DYM: variants seen among roughly 807,000 people sequenced by gnomAD.
DYM encodes dyggve-Melchior-Clausen syndrome protein.
A neutral mutation model predicts 93.1 loss-of-function variants in DYM; 78 were observed. The ratio of observed to expected loss-of-function variants is 0.84; its 90% CI spans 0.70 to 1.01. The LOEUF (loss-of-function observed/expected upper bound fraction) is 1.01, where lower values mean the gene tolerates loss of function less well. Among genes scored for constraint, DYM ranks in the 50% least tolerant of loss-of-function variants. The pLI, the probability that DYM is intolerant of heterozygous loss-of-function variation, is 0.00. For synonymous variants in DYM, 321 were observed against 319.7 expected, an observed-to-expected ratio of 1.00 and a Z score of -0.04; for missense variants, 789 against 845.0, an observed-to-expected ratio of 0.93 and a Z score of 0.82.
chr18:49,045,111 G>C (rs1305392187), intron 17 of DYM, among the ~76,000 whole-genome samples: 1 of 152,234 alleles, frequency 6.6e-6, no homozygotes, highest in Non-Finnish European at 1.5e-5. Flanking sequence ...TCGCTGGCAG[G>C]AGTGGCTGCA....
intron 14 of DYM, among the ~76,000 whole-genome samples, chr18:49,196,406 A>G (rs1600533266): frequency 6.6e-6 from 1 of 151,050 alleles, no homozygotes; most frequent in East Asian, 2.0e-4. Context: ...TTGAATACCC[A>G]AGTATCATAT....
chr18:49,261,795 T>G (rs1000978784), intron 11 of DYM, among the ~76,000 whole-genome samples: 1 of 152,224 alleles, frequency 6.6e-6, no homozygotes, highest in Non-Finnish European at 1.5e-5. Flanking sequence ...ACTGTTAATA[T>G]TTTTTAATAT....
At chr18:49,108,308 C>A (rs1056700077) in intron 16 of DYM, among the ~76,000 whole-genome samples, 2 of 152,240 alleles carry the variant, frequency 1.3e-5, no homozygotes, top group Non-Finnish European at 2.9e-5. Context: ...GTCTGTCACC[C>A]CTTTCTTTGA....
At chr18:49,401,770 A>G (rs1365592201) in intron 2 of DYM, among the ~76,000 whole-genome samples, 1 of 152,192 alleles carries the variant, frequency 6.6e-6, no homozygotes, top group Non-Finnish European at 1.5e-5. Context: ...TCATGCCTGT[A>G]ATACCAGCAC....
At chr18:49,403,983 A>C (rs2071152717) in intron 2 of DYM, among the ~76,000 whole-genome samples, 1 of 150,112 alleles carries the variant, frequency 6.7e-6, no homozygotes, top group African/African-American at 2.4e-5. Context: ...TATCCAATTT[A>C]CTGTTGTTTT....
chr18:49,294,062 T>C (rs995106715), intron 8 of DYM, among the ~76,000 whole-genome samples: 1 of 152,210 alleles, frequency 6.6e-6, no homozygotes, highest in African/African-American at 2.4e-5. Flanking sequence ...ACACCACTGA[T>C]TAAATAGGGA....
At position 49,416,690 on chromosome 18, in the gene DYM, G is replaced by A. The variant is rs186637734; in HGVS notation, c.140+13565C>T. On this transcript the variant is annotated intron_variant, in intron 2 of 17. Coordinates refer to ENST00000675505, the MANE Select transcript of DYM (RefSeq NM_001353214.3). ...AGCACATCACAGGTATATTGCTGCA[G>A]ATGTCTCAGATTTTGTTTTCCTGCC... Among the ~76,000 whole-genome samples the A allele has an allele frequency of 6.9e-3, 1,043 of 152,220 alleles. 32 individuals are homozygous for A. The South Asian group carries it at 0.076, about 11-fold the overall frequency.
intron 8 of DYM, among the ~76,000 whole-genome samples, chr18:49,315,012 C>CGA (rs2061835424): frequency 6.6e-6 from 1 of 151,998 alleles, no homozygotes; most frequent in Non-Finnish European, 1.5e-5. Flanking sequence ...CTCAGGAGTT[C>CGA]GAGACCAGCC....
chr18:49,302,679 T>G (rs1467502178), intron 8 of DYM, among the ~76,000 whole-genome samples: 1 of 152,164 alleles, frequency 6.6e-6, no homozygotes, highest in African/African-American at 2.4e-5. Context: ...TTAATGATGA[T>G]CCACACAAAT....
chr18:49,364,318 G>A (rs989799122), intron 5 of DYM, among the ~76,000 whole-genome samples: 3 of 152,080 alleles, frequency 2.0e-5, no homozygotes, highest in Admixed American at 6.5e-5. Context: ...GGTGGCGCAC[G>A]CCTGTGGTCC....
intron 15 of DYM, among the ~76,000 whole-genome samples, chr18:49,156,922 C>T (rs1370459505): frequency 6.6e-6 from 1 of 151,768 alleles, no homozygotes; most frequent in Non-Finnish European, 1.5e-5. Flanking sequence ...AAAGTCTTTG[C>T]CTCACCTAAA....
chr18:49,433,448 A>C (rs900000135), intron 1 of DYM, among the ~76,000 whole-genome samples: 1 of 152,228 alleles, frequency 6.6e-6, no homozygotes, highest in Non-Finnish European at 1.5e-5. Context: ...AGTTAACTCT[A>C]CTGAGAAGAT....
chr18:49,426,158 G>A (rs183825042), intron 2 of DYM, among the ~76,000 whole-genome samples: 179 of 152,048 alleles, frequency 1.2e-3, no homozygotes, highest in East Asian at 6.6e-3. Context: ...AATGTCCATC[G>A]ATGATAGACT....
intron 17 of DYM, among the ~76,000 whole-genome samples, chr18:49,073,831 C>A (rs1021189069): frequency 1.1e-4 from 17 of 152,140 alleles, no homozygotes; most frequent in Admixed American, 1.0e-3. Context: ...AAGACACATT[C>A]TTTTTTTGAC....
intron 13 of DYM, among the ~76,000 whole-genome samples, chr18:49,219,530 C>A (rs1430150083): frequency 6.6e-6 from 1 of 152,056 alleles, no homozygotes; most frequent in African/African-American, 2.4e-5. Flanking sequence ...AAACTGAATC[C>A]AGCAGCACAT....
In DYM at chr18:49,177,922, T is replaced by C. The variant is rs187031502; in HGVS notation, c.1626-14135A>G. Among the ~76,000 whole-genome samples the C allele has an allele frequency of 1.3e-3, 204 of 152,178 alleles. 1 individual carries two copies. The highest frequency in any genetic ancestry group is 4.6e-3 in the African/African-American group (189 of 41,498). ...GGATAAGATATTCTTTGAGTTAAAG[T>C]TCTAAAACTACTTTTTAGAAAAACC... On this transcript the variant is annotated intron_variant, in intron 14 of 17. Coordinates refer to ENST00000675505, the MANE Select transcript of DYM (RefSeq NM_001353214.3).
chr18:49,242,982 G>A (rs2094064147), intron 13 of DYM, among the ~76,000 whole-genome samples: 1 of 152,150 alleles, frequency 6.6e-6, no homozygotes, highest in Non-Finnish European at 1.5e-5. Context: ...TTACAGGCGT[G>A]AGCCACCGCA....
chr18:49,072,406 G>C (rs2076964325), intron 17 of DYM, among the ~76,000 whole-genome samples: 1 of 152,174 alleles, frequency 6.6e-6, no homozygotes, highest in South Asian at 2.1e-4. Context: ...CCATTCAAAA[G>C]GGATGGGATT....
intron 8 of DYM, among the ~76,000 whole-genome samples, chr18:49,327,541 G>A (rs1180241588): frequency 6.6e-6 from 1 of 151,876 alleles, no homozygotes; most frequent in Non-Finnish European, 1.5e-5. Flanking sequence ...GTTTTTTATA[G>A]AGGTGGTGTC....
Sources: allele counts gnomAD v4.1 joint callset (sites outside exome capture counted in the v4.1 genomes callset), GRCh38; gene constraint gnomAD v4.1.1; transcripts MANE v1.5; gene names NCBI Gene and HGNC (gene_info 2026-07-23, HGNC 2026-07-21).